Variants in PTPRG observed in about 807,000 individuals in gnomAD.
PTPRG encodes receptor-type tyrosine-protein phosphatase gamma.
A neutral mutation model predicts 165.3 loss-of-function variants in PTPRG; 102 were observed. The ratio of observed to expected loss-of-function variants is 0.62; its 90% CI spans 0.53 to 0.73. PTPRG has a LOEUF of 0.73. Among genes scored for constraint, PTPRG ranks in the 30% least tolerant of loss-of-function variants. The pLI, the probability that PTPRG is intolerant of heterozygous loss-of-function variation, is 0.00. For missense variants in PTPRG, 1,866 were observed against 1,861.4 expected (o/e 1.00, Z -0.05); for synonymous variants, 675 against 669.5 (o/e 1.01, Z -0.13).
At chr3:62,168,251 T>C (rs1039201059) in intron 8 of PTPRG, 88 bp downstream of exon 8, 8 of 1,290,088 alleles carry the variant, frequency 6.2e-6, no homozygotes, top group Middle Eastern at 2.3e-4. Context: ...CAGCCAGGAA[T>C]TGGGACTTGG....
At chr3:62,211,156 A>G (rs1324831473) in intron 12 of PTPRG, among the ~76,000 whole-genome samples, 2 of 152,224 alleles carry the variant, frequency 1.3e-5, no homozygotes, top group Non-Finnish European at 2.9e-5. Context: ...AGTACATACA[A>G]TGAAATAACT....
chr3:62,290,472 ATACGAAG>A (rs1038664588), intron 28 of PTPRG, among the ~76,000 whole-genome samples: 21 of 152,334 alleles, frequency 1.4e-4, no homozygotes, highest in Non-Finnish European at 3.1e-4. Context: ...ACTAAAAACA[ATACGAAG>A]TAAATGTAGA....
rs1200080223 is a variant in PTPRG at position 62,215,541 on chromosome 3, C to T, written c.2156-3310C>T. 7.5e-5 allele frequency among the ~76,000 whole-genome samples: 9 copies of T among 120,156 alleles called. No individual in the cohort carries two copies. The South Asian group carries it at 1.2e-3, about 16-fold the overall frequency. The allele number at this position is 120,156 out of a possible 152,430, so 78.8% of individuals were successfully genotyped here. On this transcript the variant is annotated intron_variant, in intron 12 of 29. Transcript: ENST00000474889. Reference sequence around the variant, plus strand: ...ATTTCAGATAGGCTCCAACCCCCTACGGGAACCCCCCCCCCCCGCCAATTA... The same window carrying T: ...ATTTCAGATAGGCTCCAACCCCCTATGGGAACCCCCCCCCCCCGCCAATTA...
rs116756325 is a variant in PTPRG, at chr3:61,830,222, A to T, written c.190+81240A>T. Among the ~76,000 whole-genome samples the T allele has an allele frequency of 3.8e-3, 582 of 152,344 alleles. 1 individual carries two copies. The highest frequency in any genetic ancestry group is 0.013 in the African/African-American group (561 of 41,572). On this transcript the variant is annotated intron_variant, in intron 2 of 29. Transcript: ENST00000474889. ...GCCAGTTCTGAAAACCTGTGTAGCA[A>T]ATCAGAATTGCCGTATTTTTGGAAA...
intron 1 of PTPRG, among the ~76,000 whole-genome samples, chr3:61,625,404 C>T (rs1701580366): frequency 6.6e-6 from 1 of 152,108 alleles, no homozygotes; most frequent in African/African-American, 2.4e-5. Flanking sequence ...TTTTAACTTT[C>T]ATCTCTTACA....
chr3:62,195,316 G>A lies in PTPRG; in HGVS notation c.1327+146G>A, dbSNP rs780344132. The stretch of plus-strand genomic sequence containing the variant: ...TAGGGTTTTAAAGCCTATGCGGGAA[G>A]CCCTAGTAATTTAGGTCTTTTAGGT... On this transcript the variant is annotated intron_variant, in intron 10 of 29. Coordinates refer to ENST00000474889, the MANE Select transcript of PTPRG (RefSeq NM_002841.4). The surrounding 1 kb of genome is among the most constrained non-coding windows in gnomAD (Gnocchi z 4.4). 1 of 700,862 alleles carries A rather than the reference G, an allele frequency of 1.4e-6. No homozygotes were observed. The highest frequency in any genetic ancestry group is 2.4e-6 in the Non-Finnish European group (1 of 422,790). 43.4% of individuals were successfully genotyped at this position (700,862 alleles called of 1,614,324 possible).
intron 1 of PTPRG, among the ~76,000 whole-genome samples, chr3:61,606,128 G>C (rs764245162): frequency 9.8e-5 from 15 of 152,300 alleles, no homozygotes; most frequent in Admixed American, 3.9e-4. Context: ...GGCATTAGCT[G>C]GGTCCTCTGC....
At chr3:61,595,326 A>G (rs926950159) in intron 1 of PTPRG, among the ~76,000 whole-genome samples, 5 of 151,932 alleles carry the variant, frequency 3.3e-5, no homozygotes, top group African/African-American at 1.2e-4. Flanking sequence ...CTGATTATAT[A>G]GTGTTACGTA....
intron 2 of PTPRG, among the ~76,000 whole-genome samples, chr3:61,790,610 A>T (rs916608030): frequency 1.3e-5 from 2 of 152,208 alleles, no homozygotes; most frequent in Non-Finnish European, 2.9e-5. Flanking sequence ...ATGTATACAC[A>T]TGAGGAAGTA....
chr3:61,574,113 C>T (rs938958), intron 1 of PTPRG, among the ~76,000 whole-genome samples: 1 of 151,528 alleles, frequency 6.6e-6, no homozygotes, highest in Non-Finnish European at 1.5e-5. Flanking sequence ...GGCCTTGGCT[C>T]TTAGGTGATT....
rs1700670761 is a variant in PTPRG, at chr3:62,222,370, C to CCCTCTGCCTGTTTGTACAGAGCAG, written c.2288+3394_2288+3417dup. 6.6e-6 allele frequency among the ~76,000 whole-genome samples: 1 copy of CCCTCTGCCTGTTTGTACAGAGCAG among 152,182 alleles called. No individual in the cohort carries two copies. The highest frequency in any genetic ancestry group is 1.9e-4 in the East Asian group (1 of 5,188). ...TGTGTGGTCTTCTCGCTCAAGCAGG[C>CCCTCTGCCTGTTTGTACAGAGCAG]CCTCTGCCTGTTTGTACAGAGCAGC... On this transcript the variant is annotated intron_variant, in intron 13 of 29. Coordinates refer to ENST00000474889, the MANE Select transcript of PTPRG (RefSeq NM_002841.4). The surrounding 1 kb of genome is among the most constrained non-coding windows in gnomAD (Gnocchi z 4.5).
intron 2 of PTPRG, among the ~76,000 whole-genome samples, chr3:61,799,685 A>G (rs2035173758): frequency 1.3e-5 from 2 of 152,172 alleles, no homozygotes; most frequent in Non-Finnish European, 2.9e-5. Flanking sequence ...AACACAATTT[A>G]TGACCTTGAT....
intron 5 of PTPRG, among the ~76,000 whole-genome samples, chr3:62,086,650 A>G (rs1301168514): frequency 6.6e-6 from 1 of 152,230 alleles, no homozygotes; most frequent in Non-Finnish European, 1.5e-5. Flanking sequence ...CTAGAAGTGC[A>G]ATTTCAGAAT....
intron 1 of PTPRG, among the ~76,000 whole-genome samples, chr3:61,600,082 C>A (rs530627915): frequency 7.9e-5 from 12 of 151,216 alleles, no homozygotes; most frequent in South Asian, 4.2e-4. Context: ...ATCACTTGAG[C>A]CCAGGAGGCA....
chr3:62,127,649 C>T (rs1275040418), intron 5 of PTPRG, among the ~76,000 whole-genome samples: 1 of 152,132 alleles, frequency 6.6e-6, no homozygotes, highest in African/African-American at 2.4e-5. Context: ...CTGGCGGTGT[C>T]GGATTCAAGG....
chr3:61,922,866 C>A (rs904492299), intron 2 of PTPRG, among the ~76,000 whole-genome samples: 1 of 152,174 alleles, frequency 6.6e-6, no homozygotes, highest in Non-Finnish European at 1.5e-5. Context: ...GTCTTGAGTT[C>A]CAGAACTCAG....
intron 1 of PTPRG, among the ~76,000 whole-genome samples, chr3:61,600,340 G>C (rs1035414127): frequency 4.6e-5 from 7 of 151,856 alleles, no homozygotes; most frequent in African/African-American, 1.7e-4. Flanking sequence ...TGAAGACTTT[G>C]ATTTCAGTCA....
At chr3:62,006,692 C>A (rs1460395152) in intron 4 of PTPRG, among the ~76,000 whole-genome samples, 1 of 152,088 alleles carries the variant, frequency 6.6e-6, no homozygotes, top group South Asian at 2.1e-4. Flanking sequence ...GCATCTCCCC[C>A]CTGCACCCTG....
intron 2 of PTPRG, among the ~76,000 whole-genome samples, chr3:61,851,265 G>C (rs977268542): frequency 3.9e-5 from 6 of 152,144 alleles, no homozygotes; most frequent in African/African-American, 7.2e-5. Flanking sequence ...ATTAGATTCA[G>C]GGAAGAATCT....
Sources: allele counts gnomAD v4.1 joint callset (sites outside exome capture counted in the v4.1 genomes callset), GRCh38; gene constraint gnomAD v4.1.1; non-coding constraint Gnocchi (gnomAD v3.1); transcripts MANE v1.5; gene names NCBI Gene and HGNC (gene_info 2026-07-23, HGNC 2026-07-21).